Variants in TENM3 observed in about 807,000 individuals in gnomAD.
TENM3 encodes teneurin transmembrane protein 3, also known as teneurin-3.
In TENM3, 63 loss-of-function variants were observed where a neutral mutation model predicts 255.1. That is an observed-to-expected ratio of 0.25 (90% confidence interval 0.20 to 0.30). The LOEUF (loss-of-function observed/expected upper bound fraction) is 0.30. Ranked by LOEUF, TENM3 falls within the 10% of genes least tolerant of loss-of-function variation. TENM3 has a pLI of 1.00. For synonymous variants in TENM3, 1,306 were observed against 1,322.3 expected (o/e 0.99, Z 0.27); for missense variants, 2,929 against 3,461.1 (o/e 0.85, Z 3.86).
chr4:181,883,480 G>T, the TENM3 span, among the ~76,000 whole-genome samples: 2 of 152,040 alleles, frequency 1.3e-5, no homozygotes, highest in South Asian at 2.1e-4. Flanking sequence ...CAATTTTTTT[G>T]TTGTTGTTGA....
intron 3 of TENM3, among the ~76,000 whole-genome samples, chr4:182,454,685 TA>T (rs2151342745): frequency 6.6e-6 from 1 of 152,366 alleles, no homozygotes; most frequent in South Asian, 2.1e-4. Flanking sequence ...AACAAAGTCA[TA>T]AGATTTATAG....
chr4:182,794,990 T>C (rs1448234944), intron 26 of TENM3, among the ~76,000 whole-genome samples: 1 of 152,166 alleles, frequency 6.6e-6, no homozygotes, highest in African/African-American at 2.4e-5. Context: ...GGTTTTGTTT[T>C]GGCTTGTGTT....
the TENM3 span, among the ~76,000 whole-genome samples, chr4:181,628,942 C>T: frequency 2.4e-4 from 37 of 152,230 alleles, no homozygotes; most frequent in African/African-American, 4.3e-4. Flanking sequence ...GCCATTTTCA[C>T]GATATTGATT....
chr4:181,692,076 A>C, the TENM3 span, among the ~76,000 whole-genome samples: 1 of 152,220 alleles, frequency 6.6e-6, no homozygotes, highest in Non-Finnish European at 1.5e-5. Flanking sequence ...TGAGGTGATT[A>C]GTTGGCACAT....
chr4:181,936,438 G>GAAGT, the TENM3 span, among the ~76,000 whole-genome samples: 1 of 152,028 alleles, frequency 6.6e-6, no homozygotes, highest in African/African-American at 2.4e-5. Flanking sequence ...GGTAATATTT[G>GAAGT]AATTAATTAA....
chr4:181,997,012 T>C, the TENM3 span, among the ~76,000 whole-genome samples: 1 of 152,336 alleles, frequency 6.6e-6, no homozygotes, highest in South Asian at 2.1e-4. Context: ...CATCATTTAA[T>C]GCAATTTTAA....
At chr4:181,688,918 T>C in the TENM3 span, among the ~76,000 whole-genome samples, 3 of 152,208 alleles carry the variant, frequency 2.0e-5, no homozygotes, top group Non-Finnish European at 4.4e-5. Flanking sequence ...TCATCCTGGG[T>C]ACCCTTAGTC....
the TENM3 span, among the ~76,000 whole-genome samples, chr4:181,939,754 C>T: frequency 0.17 from 26,063 of 152,124 alleles, 2,325 homozygotes; most frequent in South Asian, 0.3. Context: ...TGGAGAATAC[C>T]GCTTGATGAG....
intron 3 of TENM3, among the ~76,000 whole-genome samples, chr4:182,480,659 C>G (rs534518894): frequency 4.6e-5 from 7 of 152,028 alleles, no homozygotes; most frequent in African/African-American, 1.7e-4. Flanking sequence ...TCTTTGAAAA[C>G]AGTACTATTT....
intron 4 of TENM3, among the ~76,000 whole-genome samples, chr4:182,616,380 G>A (rs1466136795): frequency 1.3e-5 from 2 of 148,278 alleles, no homozygotes; most frequent in African/African-American, 4.9e-5. Context: ...GGTGGGGTGG[G>A]GGGAGTGGGG....
At chr4:182,516,748 G>T (rs1009847717) in intron 3 of TENM3, among the ~76,000 whole-genome samples, 21 of 152,158 alleles carry the variant, frequency 1.4e-4, no homozygotes, top group African/African-American at 5.1e-4. Context: ...AAAATTAGCT[G>T]GGCGTGATGG....
At chr4:182,179,058 G>A (rs966203262) in intron 1 of TENM3, among the ~76,000 whole-genome samples, 1 of 152,176 alleles carries the variant, frequency 6.6e-6, no homozygotes, top group African/African-American at 2.4e-5. Flanking sequence ...TTTAAGGTGA[G>A]AATTTTTGTA....
At chr4:182,742,171 AACTGGAGGC>A (rs1182927109) in intron 18 of TENM3, among the ~76,000 whole-genome samples, 13 of 152,272 alleles carry the variant, frequency 8.5e-5, no homozygotes, top group African/African-American at 2.9e-4. Context: ...CATCACGCCA[AACTGGAGGC>A]ACTGATCTGT....
At chr4:181,668,529 C>T in the TENM3 span, among the ~76,000 whole-genome samples, 1 of 152,074 alleles carries the variant, frequency 6.6e-6, no homozygotes, top group African/African-American at 2.4e-5. Flanking sequence ...TCCAGTGGTT[C>T]CTTTGCTTGT....
intron 2 of TENM3, among the ~76,000 whole-genome samples, chr4:182,344,773 A>C (rs760823418): frequency 6.6e-6 from 1 of 152,172 alleles, no homozygotes; most frequent in Non-Finnish European, 1.5e-5. Context: ...TTTGATGGCA[A>C]TATCTACACG....
the TENM3 span, among the ~76,000 whole-genome samples, chr4:181,560,754 C>G: frequency 6.6e-6 from 1 of 152,134 alleles, no homozygotes; most frequent in Non-Finnish European, 1.5e-5. Flanking sequence ...GTGAAGTTCC[C>G]CCAGCCAGGA....
At chr4:181,956,129 G>A in the TENM3 span, among the ~76,000 whole-genome samples, 1 of 152,106 alleles carries the variant, frequency 6.6e-6, no homozygotes, top group African/African-American at 2.4e-5. Flanking sequence ...GTTCTCACAT[G>A]GAAGAAGGGG....
chr4:182,792,135 C>G lies in TENM3; in HGVS notation c.5602-139C>G. Reference sequence around the variant, plus strand: ...AAATTAGGCAGAGAAACGTTAACAACACGCAAGGTCAAGGATAACTCAATT... The same window carrying G: ...AAATTAGGCAGAGAAACGTTAACAAGACGCAAGGTCAAGGATAACTCAATT... On this transcript the variant is annotated intron_variant, in intron 25 of 27. Transcript: ENST00000511685. The surrounding 1 kb of genome is among the most constrained non-coding windows in gnomAD (Gnocchi z 6.3). 3 of 830,378 alleles carry G rather than the reference C, an allele frequency of 3.6e-6. No homozygotes were observed. The highest frequency in any genetic ancestry group is 5.6e-6 in the Non-Finnish European group (3 of 534,266). 51.4% of individuals were successfully genotyped at this position (830,378 alleles called of 1,614,324 possible). A position where few individuals can be genotyped will look rare whatever the true frequency, so the allele number is the denominator to read the frequency against.
At chr4:181,732,756 C>G in the TENM3 span, among the ~76,000 whole-genome samples, 1 of 149,428 alleles carries the variant, frequency 6.7e-6, no homozygotes, top group African/African-American at 2.5e-5. Flanking sequence ...ACACAGCTTG[C>G]GTTTTGAGGT....
Sources: gnomAD v4.1 joint callset for allele counts (sites outside exome capture counted in the v4.1 genomes callset) on GRCh38, gnomAD v4.1.1 for gene constraint, Gnocchi (gnomAD v3.1) non-coding constraint, MANE v1.5 for transcripts, NCBI Gene and HGNC (gene_info 2026-07-23, HGNC 2026-07-21) for gene names.